Variants in GPD1L observed in about 807,000 individuals in gnomAD.
GPD1L encodes the protein glycerol-3-phosphate dehydrogenase 1 like, also known as glycerol-3-phosphate dehydrogenase 1-like protein.
In GPD1L, 17 loss-of-function variants were observed where a neutral mutation model predicts 32.9. That is an observed-to-expected ratio of 0.52 (90% CI 0.35 to 0.78). The LOEUF is 0.78. Among genes scored for constraint, GPD1L ranks in the 30% least tolerant of loss-of-function variants. The pLI is 0.01. For missense variants in GPD1L, 361 were observed against 447.8 expected (o/e 0.81, Z 1.75); for synonymous variants, 187 against 165.9 (o/e 1.13, Z -0.98).
In GPD1L at chr3:32,106,812, C is replaced by G. The variant is rs1449937097; in HGVS notation, c.47+54C>G. ...CTCCGCTTCCAGGAAGCGCCTCTCC[C>G]GGGCGGTGAGGGCTGCGCGCCCCAT... On this transcript the variant is annotated intron_variant, in intron 1 of 7. Coordinates refer to ENST00000282541, the MANE Select transcript of GPD1L (RefSeq NM_015141.4). The surrounding 1 kb of genome is among the most constrained non-coding windows in gnomAD (Gnocchi z 4.0). The G allele has an allele frequency of 1.3e-5, 20 of 1,516,976 alleles. No homozygotes were observed. The East Asian group carries it at 4.8e-4, about 36-fold the overall frequency. The allele number at this position is 1,516,976 out of a possible 1,614,324, so 94.0% of individuals were successfully genotyped here.
intron 5 of GPD1L, among the ~76,000 whole-genome samples, chr3:32,149,310 C>A (rs1700876932): frequency 6.6e-6 from 1 of 152,178 alleles, no homozygotes. Context: ...GTCTTCCCAC[C>A]TCAGACTCCC....
rs1553659648 is a variant in GPD1L, at chr3:32,138,599, A to G, written c.238A>G (p.Asn80Asp). 1 of 1,614,100 alleles carries G rather than the reference A, an allele frequency of 6.2e-7. No individual in the cohort carries two copies. The highest frequency in any genetic ancestry group is 8.5e-7 in the Non-Finnish European group (1 of 1,179,974). ...KLPENVVAMSNLSEAVQDADL... is the reference protein window; with the variant it reads ...KLPENVVAMSDLSEAVQDADL... Reference sequence around the variant, plus strand: ...CTTTTGGTTGCAGGTTGCCATGTCAAATCTTAGCGAGGCTGTGCAGGATGC... The same window carrying G: ...CTTTTGGTTGCAGGTTGCCATGTCAGATCTTAGCGAGGCTGTGCAGGATGC... The change falls in exon 3 of 8, where the codon AAT becomes GAT. Residue 80 changes from asparagine (N) to aspartate (D), a missense_variant. Coordinates refer to ENST00000282541, the MANE Select transcript of GPD1L (RefSeq NM_015141.4).
intron 1 of GPD1L, among the ~76,000 whole-genome samples, chr3:32,110,396 T>C (rs1347100895): frequency 6.6e-6 from 1 of 152,264 alleles, no homozygotes; most frequent in African/African-American, 2.4e-5. Flanking sequence ...GATCTGGTTC[T>C]TACCTCAGGA....
At chr3:32,160,474 T>C (rs1428102286) in intron 7 of GPD1L, among the ~76,000 whole-genome samples, 12 of 60,366 alleles carry the variant, frequency 2.0e-4, no homozygotes, top group Admixed American at 3.2e-4. Flanking sequence ...TGGGATGAGA[T>C]AGATGGAGGG....
chr3:32,114,345 T>A lies in GPD1L; in HGVS notation c.47+7587T>A, dbSNP rs1313708140. On this transcript the variant is annotated intron_variant, in intron 1 of 7. Transcript: ENST00000282541. Reference sequence around the variant, plus strand: ...CCTTCATGAACTTAATAGGCACTTTTCAAGCTGTAGCACGAATTGGGCCAG... The same window carrying A: ...CCTTCATGAACTTAATAGGCACTTTACAAGCTGTAGCACGAATTGGGCCAG... Among the ~76,000 whole-genome samples, 3 of 152,260 alleles carry A rather than the reference T, an allele frequency of 2.0e-5. No individual in the cohort carries two copies. The East Asian group carries it at 5.8e-4, about 29-fold the overall frequency.
chr3:32,151,446 C>T, intron 5 of GPD1L: 1 of 489,406 alleles, frequency 2.0e-6, no homozygotes, highest in Admixed American at 3.3e-5. Context: ...ACAATATCAT[C>T]TTTTTTTAAA....
chr3:32,130,225 C>A (rs1212862880), intron 2 of GPD1L, among the ~76,000 whole-genome samples: 1 of 152,146 alleles, frequency 6.6e-6, no homozygotes, highest in African/African-American at 2.4e-5. Context: ...CCCCTGGTCA[C>A]TGGGTGTGGA....
chr3:32,141,620 A>G (rs1700745408), intron 4 of GPD1L, among the ~76,000 whole-genome samples: 1 of 152,170 alleles, frequency 6.6e-6, no homozygotes, highest in African/African-American at 2.4e-5. Context: ...GAAGAAAAGA[A>G]TAGCCTATGA....
intron 5 of GPD1L, among the ~76,000 whole-genome samples, chr3:32,146,981 G>C (rs1456850125): frequency 1.3e-5 from 2 of 152,190 alleles, no homozygotes; most frequent in Non-Finnish European, 2.9e-5. Flanking sequence ...TTGGGAAGTT[G>C]GCAGCATTGA....
chr3:32,146,524 C>A, intron 4 of GPD1L, 98 bp from the exon 5 acceptor site: 2 of 775,698 alleles, frequency 2.6e-6, no homozygotes, highest in Middle Eastern at 2.3e-4. Flanking sequence ...GAACATGTTA[C>A]TTTTATAGTA....
At chr3:32,129,928 T>A (rs956295986) in intron 2 of GPD1L, among the ~76,000 whole-genome samples, 1 of 152,150 alleles carries the variant, frequency 6.6e-6, no homozygotes, top group African/African-American at 2.4e-5. Flanking sequence ...ACATGCTTCA[T>A]TGTTACATTC....
At chr3:32,160,179 T>G (rs1701056274) in intron 7 of GPD1L, among the ~76,000 whole-genome samples, 1 of 133,178 alleles carries the variant, frequency 7.5e-6, no homozygotes, top group African/African-American at 2.8e-5. Context: ...TGGGATGGGA[T>G]GGGATGGAAT....
chr3:32,162,961 G>A (rs556009277), intron 7 of GPD1L, among the ~76,000 whole-genome samples: 3 of 152,026 alleles, frequency 2.0e-5, no homozygotes, highest in South Asian at 4.2e-4. Flanking sequence ...TTTTTACCAC[G>A]TTGCCCAGGC....
Position 32,140,254 on chromosome 3 carries a change from GA to G in GPD1L, c.395del (p.Lys132SerfsTer18). The part of the protein sequence containing the change: ...KGIDEGPEGL[K>X]LISDIIREKM... ...GCATAGACGAGGGCCCCGAGGGGCT[GA>G]AGCTCATTTCTGACATCATCCGTGA... is the stretch of plus-strand genomic sequence containing the variant. On this transcript the variant is annotated frameshift_variant, in exon 4 of 8. Coordinates refer to ENST00000282541, the MANE Select transcript of GPD1L (RefSeq NM_015141.4). LOFTEE classifies it high-confidence loss of function. 6.2e-7 allele frequency: 1 copy of G among 1,614,070 alleles called. No homozygotes were observed. The highest frequency in any genetic ancestry group is 8.5e-7 in the Non-Finnish European group (1 of 1,179,990).
chr3:32,151,133 A>G (rs11918229), intron 5 of GPD1L: 179,534 of 514,906 alleles, frequency 0.35, 37,520 homozygotes, highest in East Asian at 0.88. Context: ...GCTCCTTCCC[A>G]CTGGTTCCCA....
chr3:32,128,352 C>T, intron 2 of GPD1L, 99 bp downstream of exon 2: 1 of 971,540 alleles, frequency 1.0e-6, no homozygotes, highest in South Asian at 1.3e-5. Flanking sequence ...CTTCCCTTTT[C>T]CCCAGTTCCT....
chr3:32,106,621 C>T lies in GPD1L; in HGVS notation c.-91C>T, dbSNP rs1365657215. On this transcript the variant is annotated 5_prime_UTR_variant, in exon 1 of 8. Coordinates refer to ENST00000282541, the MANE Select transcript of GPD1L (RefSeq NM_015141.4). This position sits in a 1 kb window ranked among gnomAD's most constrained non-coding sequence, Gnocchi z 4.0. Reference sequence around the variant, plus strand: ...TGGCGGAGAGGCGAAAGGGGCGGGGCCGCCGCCAGCCGCTGCGGGCAAGGC... The same window carrying T: ...TGGCGGAGAGGCGAAAGGGGCGGGGTCGCCGCCAGCCGCTGCGGGCAAGGC... 1.6e-6 allele frequency: 2 copies of T among 1,282,826 alleles called. No individual in the cohort carries two copies. The highest frequency in any genetic ancestry group is 3.5e-5 in the Admixed American group (1 of 28,936). 79.5% of individuals were successfully genotyped at this position (1,282,826 alleles called of 1,614,324 possible).
intron 5 of GPD1L, among the ~76,000 whole-genome samples, chr3:32,147,279 TG>T (rs1700844353): frequency 6.6e-6 from 1 of 152,242 alleles, no homozygotes; most frequent in Admixed American, 6.5e-5. Context: ...TTTTTGTAAG[TG>T]GAACTGTACA....
rs1436316220 is a variant in GPD1L at position 32,165,757 on chromosome 3, T to C, written c.960-57T>C. 3.0e-5 allele frequency: 27 copies of C among 894,596 alleles called. No individual in the cohort carries two copies. In the South Asian group the frequency reaches 3.0e-4, roughly 10 times the overall value. The allele number at this position is 894,596 out of a possible 1,614,324, so 55.4% of individuals were successfully genotyped here. On this transcript the variant is annotated intron_variant, in intron 7 of 7. Transcript: ENST00000282541. ...CTGTTAGGACAGAAAACCTAACTTATTCTCTGAGGTAAATCCAGTGGCCTA... is the reference window on the plus strand; with the variant it reads ...CTGTTAGGACAGAAAACCTAACTTACTCTCTGAGGTAAATCCAGTGGCCTA...
Sources: allele counts gnomAD v4.1 joint callset (sites outside exome capture counted in the v4.1 genomes callset), GRCh38; gene constraint gnomAD v4.1.1; non-coding constraint Gnocchi (gnomAD v3.1); transcripts MANE v1.5; gene names NCBI Gene and HGNC (gene_info 2026-07-23, HGNC 2026-07-21).